The following VTCN1 variants were observed in gnomAD, a reference collection of about 807,000 sequenced individuals.
VTCN1 encodes the protein V-set domain containing T cell activation inhibitor 1, also known as V-set domain-containing T-cell activation inhibitor 1.
In VTCN1, 26 loss-of-function variants were observed where a neutral mutation model predicts 26.5. The ratio of observed to expected loss-of-function variants is 0.98; its 90% CI spans 0.72 to 1.36. The LOEUF is 1.36. Among genes scored for constraint, VTCN1 ranks in the 40% most tolerant of loss-of-function variants. The pLI is 0.00. For synonymous variants in VTCN1, 116 were observed against 130.7 expected, an observed-to-expected ratio of 0.89 and a Z score of 0.77; for missense variants, 298 against 337.7, an observed-to-expected ratio of 0.88 and a Z score of 0.92.
At chr1:117,154,212 C>G (rs947913997) in intron 3 of VTCN1, among the ~76,000 whole-genome samples, 1 of 152,148 alleles carries the variant, frequency 6.6e-6, no homozygotes. Flanking sequence ...AGGGAACACG[C>G]TCTTGGGCGA....
intron 1 of VTCN1, among the ~76,000 whole-genome samples, chr1:117,189,969 A>T (rs1648165709): frequency 6.6e-6 from 1 of 152,214 alleles, no homozygotes; most frequent in Admixed American, 6.5e-5. Context: ...ATCCAGAAAT[A>T]GCTTCATCCT....
rs926484978 is a variant in VTCN1, at chr1:117,169,777, C to A, written c.97+330G>T. Among the ~76,000 whole-genome samples the A allele has an allele frequency of 6.6e-6, 1 of 152,084 alleles. No homozygotes were observed. On this transcript the variant is annotated intron_variant, in intron 2 of 5. Transcript: ENST00000369458. This position sits in a 1 kb window ranked among gnomAD's most constrained non-coding sequence, Gnocchi z 4.0. ...GCATGGTGGTGCACATGCCTGTAGTCCTAGCTACTTGGGAGGCTGAGGTGA... is the reference window on the plus strand; with the variant it reads ...GCATGGTGGTGCACATGCCTGTAGTACTAGCTACTTGGGAGGCTGAGGTGA...
chr1:117,171,463 C>G (rs1163245443), intron 1 of VTCN1, among the ~76,000 whole-genome samples: 1 of 152,214 alleles, frequency 6.6e-6, no homozygotes, highest in South Asian at 2.1e-4. Context: ...AATTTACACT[C>G]CTACCAACAG....
rs1381378681 is a variant in VTCN1 at position 117,155,109 on chromosome 1, T to C, written c.445+1465A>G. On this transcript the variant is annotated intron_variant, in intron 3 of 5. Coordinates refer to ENST00000369458, the MANE Select transcript of VTCN1 (RefSeq NM_024626.4). This position sits in a 1 kb window ranked among gnomAD's most constrained non-coding sequence, Gnocchi z 4.8. ...CCTTGACAGTTCTGAGGAGTACTGG[T>C]TAGGTATTCTGTAGGTTGCCCCTCT... 6.6e-6 allele frequency among the ~76,000 whole-genome samples: 1 copy of C among 152,224 alleles called. No homozygotes were observed. Among genetic ancestry groups the C allele is most frequent in the Non-Finnish European group, 1.5e-5 (1 of 68,032 alleles).
chr1:117,174,918 G>A (rs1158635853), intron 1 of VTCN1, among the ~76,000 whole-genome samples: 8 of 152,196 alleles, frequency 5.3e-5, no homozygotes, highest in African/African-American at 1.9e-4. Context: ...GGGTGCAGGG[G>A]GTCAGGATCT....
intron 1 of VTCN1, among the ~76,000 whole-genome samples, chr1:117,181,530 G>A (rs780396198): frequency 1.3e-5 from 2 of 152,204 alleles, no homozygotes; most frequent in African/African-American, 2.4e-5. Flanking sequence ...CCCAGGTAAT[G>A]AGAAGCAGGC....
At chr1:117,193,179 A>G (rs1022892269) in intron 1 of VTCN1, among the ~76,000 whole-genome samples, 3 of 152,154 alleles carry the variant, frequency 2.0e-5, no homozygotes, top group African/African-American at 7.2e-5. Context: ...GGATTTTTTT[A>G]TCAGGCATTT....
chr1:117,168,004 G>GA (rs148148091), intron 2 of VTCN1, among the ~76,000 whole-genome samples: 46 of 149,194 alleles, frequency 3.1e-4, no homozygotes, highest in African/African-American at 9.4e-4. Flanking sequence ...AAGAAAGAGA[G>GA]AAAAAAAACC....
In VTCN1 at chr1:117,153,461, A is replaced by ATT. The variant is rs57126217; in HGVS notation, c.446-94_446-93dup. ...AGCGCTAGGCCTTAAAAATGCAGTC[A>ATT]TTTTTTTTTTTTTTTTTTTATCATT... On this transcript the variant is annotated intron_variant, in intron 3 of 5. Coordinates refer to ENST00000369458, the MANE Select transcript of VTCN1 (RefSeq NM_024626.4). 5,324 of 1,113,336 alleles carry ATT rather than the reference A, an allele frequency of 4.8e-3. 63 individuals are homozygous for ATT. The highest frequency in any genetic ancestry group is 0.045 in the African/African-American group (2,582 of 57,504). The allele number at this position is 1,113,336 out of a possible 1,614,324, so 69.0% of individuals were successfully genotyped here. A position where few individuals can be genotyped will look rare whatever the true frequency, so the allele number is the denominator to read the frequency against.
intron 1 of VTCN1, among the ~76,000 whole-genome samples, chr1:117,184,021 C>T (rs886404560): frequency 6.6e-6 from 1 of 152,182 alleles, no homozygotes; most frequent in Non-Finnish European, 1.5e-5. Flanking sequence ...TGGGGACTCA[C>T]TGCCAAGTAG....
chr1:117,149,792 T>C (rs1243689400), intron 4 of VTCN1, among the ~76,000 whole-genome samples: 1 of 152,230 alleles, frequency 6.6e-6, no homozygotes, highest in Admixed American at 6.5e-5. Flanking sequence ...GAGAACACAA[T>C]ATGTAAATCC....
chr1:117,205,512 T>G (rs954745868), intron 1 of VTCN1, among the ~76,000 whole-genome samples: 5 of 152,062 alleles, frequency 3.3e-5, no homozygotes, highest in Non-Finnish European at 7.4e-5. Flanking sequence ...CTGCACTCAT[T>G]CATCTAGAGC....
At chr1:117,165,150 G>A (rs183377298) in intron 2 of VTCN1, among the ~76,000 whole-genome samples, 1 of 152,222 alleles carries the variant, frequency 6.6e-6, no homozygotes, top group Non-Finnish European at 1.5e-5. Context: ...ATGGGTAGGA[G>A]TGTAGGTTCG....
chr1:117,151,371 CTCT>C (rs927058767), intron 4 of VTCN1, among the ~76,000 whole-genome samples: 11 of 152,264 alleles, frequency 7.2e-5, no homozygotes, highest in African/African-American at 2.4e-4. Context: ...AGAGTCACAG[CTCT>C]TAAAGCTAGT....
chr1:117,191,973 A>G (rs1648266795), intron 1 of VTCN1, among the ~76,000 whole-genome samples: 1 of 151,584 alleles, frequency 6.6e-6, no homozygotes, highest in Non-Finnish European at 1.5e-5. Context: ...GGTGGGAGGG[A>G]AATGTAGTAG....
chr1:117,210,808 GAA>G lies in VTCN1; in HGVS notation c.32+14_32+15del. ...TTCCCTTCACCCATAAGGATAGAGA[GAA>G]GAGTATATACTACCTCCAGAAGAGG... On this transcript the variant is annotated intron_variant, in intron 1 of 5. Transcript: ENST00000369458. 6.2e-7 allele frequency: 1 copy of G among 1,613,936 alleles called. No homozygotes were observed. The highest frequency in any genetic ancestry group is 2.2e-5 in the East Asian group (1 of 44,870).
chr1:117,207,090 C>G (rs1045584688), intron 1 of VTCN1, among the ~76,000 whole-genome samples: 1 of 152,132 alleles, frequency 6.6e-6, no homozygotes, highest in African/African-American at 2.4e-5. Context: ...TTTTCTCTGA[C>G]CTTCAAGGTC....
rs940554533 is a variant in VTCN1, at chr1:117,147,755, A to G, written c.752T>C (p.Leu251Pro). The change falls in exon 5 of 6, where the codon CTA (leucine) becomes CCA (proline). Residue 251 changes from leucine to proline, a missense_variant. By Grantham distance (98) the Leu-to-Pro change is moderately conservative (BLOSUM62 -3). Transcript: ENST00000369458. The surrounding 1 kb of genome is among the most constrained non-coding windows in gnomAD (Gnocchi z 4.6). The stretch of plus-strand genomic sequence containing the variant: ...AGAAGCCTTTGAGTTTAGCAGCTGT[A>G]GGTGACTCCGCCTTTTGATCTCCGA... Reference protein sequence around the residue: ...TESEIKRRSHLQLLNSKASLC... With the variant: ...TESEIKRRSHPQLLNSKASLC... The G allele has an allele frequency of 1.4e-5, 22 of 1,613,854 alleles. No homozygotes were observed. The highest frequency in any genetic ancestry group is 1.9e-5 in the Non-Finnish European group (22 of 1,179,944).
Position 117,159,292 on chromosome 1 carries a change from G to T in VTCN1, c.98-2371C>A, listed in dbSNP as rs958326987. 2.0e-5 allele frequency among the ~76,000 whole-genome samples: 3 copies of T among 151,864 alleles called. No individual in the cohort carries two copies. Among genetic ancestry groups the T allele is most frequent in the Admixed American group, 2.0e-4 (3 of 15,244 alleles). On this transcript the variant is annotated intron_variant, in intron 2 of 5. Coordinates refer to ENST00000369458, the MANE Select transcript of VTCN1 (RefSeq NM_024626.4). This position sits in a 1 kb window ranked among gnomAD's most constrained non-coding sequence, Gnocchi z 4.7. ...TAATTGAACTTAACAGTTTCACATG[G>T]CTGGGGAGGCCTCAGAGTCATGGCG... is the stretch of plus-strand genomic sequence containing the variant.
Sources: allele counts gnomAD v4.1 joint callset (sites outside exome capture counted in the v4.1 genomes callset), GRCh38; gene constraint gnomAD v4.1.1; non-coding constraint Gnocchi (gnomAD v3.1); transcripts MANE v1.5; gene names NCBI Gene and HGNC (gene_info 2026-07-23, HGNC 2026-07-21).